The following STX8 variants were observed in gnomAD, a reference collection of about 807,000 sequenced individuals.
The protein encoded by STX8 is syntaxin-8.
A neutral mutation model predicts 37.5 loss-of-function variants in STX8; 23 were observed. That is an observed-to-expected ratio of 0.61 (90% CI 0.44 to 0.87). The LOEUF is 0.87. Among genes scored for constraint, STX8 ranks in the 40% least tolerant of loss-of-function variants. The pLI, the probability that STX8 is intolerant of heterozygous loss-of-function variation, is 0.00. For missense variants in STX8, 313 were observed against 284.7 expected (o/e 1.10, Z -0.71); for synonymous variants, 115 against 99.1 (o/e 1.16, Z -0.95).
intron 6 of STX8, among the ~76,000 whole-genome samples, chr17:9,441,700 G>T (rs1158162750): frequency 8.2e-6 from 1 of 122,652 alleles, no homozygotes; most frequent in Admixed American, 9.5e-5. Flanking sequence ...TTTTTGAGAC[G>T]GAGTCTCGCT....
intron 7 of STX8, among the ~76,000 whole-genome samples, chr17:9,336,171 C>T (rs181090938): frequency 2.3e-4 from 35 of 152,222 alleles, no homozygotes; most frequent in Admixed American, 7.2e-4. Context: ...TGAACTTTAT[C>T]GGTATGAGGA....
chr17:9,473,239 G>A (rs1237124623), intron 6 of STX8, among the ~76,000 whole-genome samples: 1 of 151,926 alleles, frequency 6.6e-6, no homozygotes, highest in Non-Finnish European at 1.5e-5. Flanking sequence ...GGCTGGTCTC[G>A]AACTCCTGAC....
intron 7 of STX8, among the ~76,000 whole-genome samples, chr17:9,360,997 G>A (rs373110480): frequency 2.6e-5 from 4 of 152,120 alleles, no homozygotes; most frequent in Non-Finnish European, 4.4e-5. Flanking sequence ...ATTGACCTTC[G>A]TGTTCAGACT....
chr17:9,329,777 C>T (rs1909903648), intron 7 of STX8, among the ~76,000 whole-genome samples: 1 of 152,136 alleles, frequency 6.6e-6, no homozygotes, highest in African/African-American at 2.4e-5. Flanking sequence ...CAGAGTTGGC[C>T]AAGGGCTGCC....
rs1431298680 is a variant in STX8, at chr17:9,292,108, G to C, written c.644-41463C>G. 7.2e-5 allele frequency among the ~76,000 whole-genome samples: 11 copies of C among 152,246 alleles called. No individual in the cohort carries two copies. In the East Asian group the frequency reaches 2.1e-3, roughly 29 times the overall value. On this transcript the variant is annotated intron_variant, in intron 7 of 7. Transcript: ENST00000306357. ...CTAAGGAAGAAGCTGCTGGAGCTGG[G>C]GCAGAGGCACTGGGAATCCAGGAGG...
intron 7 of STX8, among the ~76,000 whole-genome samples, chr17:9,328,063 CTCTT>C (rs1217001839): frequency 6.6e-6 from 1 of 150,986 alleles, no homozygotes; most frequent in Non-Finnish European, 1.5e-5. Context: ...CACCCCCTCT[CTCTT>C]TCTTTCTTTT....
intron 4 of STX8, among the ~76,000 whole-genome samples, chr17:9,532,683 C>G (rs1192120084): frequency 6.6e-6 from 1 of 152,140 alleles, no homozygotes; most frequent in African/African-American, 2.4e-5. Context: ...CCATAAACCA[C>G]TGGAATGGTC....
At chr17:9,396,118 A>G (rs552549997) in intron 6 of STX8, among the ~76,000 whole-genome samples, 3 of 152,260 alleles carry the variant, frequency 2.0e-5, no homozygotes, top group Admixed American at 2.0e-4. Context: ...AAAGAAAAGT[A>G]ACATTTTCCA....
intron 6 of STX8, among the ~76,000 whole-genome samples, chr17:9,450,255 T>C (rs1229863347): frequency 6.6e-6 from 1 of 151,396 alleles, no homozygotes; most frequent in Non-Finnish European, 1.5e-5. Flanking sequence ...TTTGTATTTT[T>C]AGTAGAGATG....
At chr17:9,271,368 CG>C (rs1735437400) in intron 7 of STX8, among the ~76,000 whole-genome samples, 1 of 152,176 alleles carries the variant, frequency 6.6e-6, no homozygotes, top group South Asian at 2.1e-4. Flanking sequence ...GGATGAGAAT[CG>C]CTTGAACCCA....
chr17:9,362,981 T>C (rs1377763643), intron 7 of STX8, among the ~76,000 whole-genome samples: 1 of 152,222 alleles, frequency 6.6e-6, no homozygotes, highest in Non-Finnish European at 1.5e-5. Context: ...TAACTCTGCA[T>C]GTATTTAACT....
rs1214621506 is a variant in STX8, at chr17:9,559,756, A to ATTTTT, written c.118-2229_118-2228insAAAAA. 4.2e-3 allele frequency among the ~76,000 whole-genome samples: 130 copies of ATTTTT among 31,100 alleles called. 4 individuals are homozygous for ATTTTT. The highest frequency in any genetic ancestry group is 5.0e-3 in the Non-Finnish European group (93 of 18,720). The allele number at this position is 31,100 out of a possible 152,430, so 20.4% of individuals were successfully genotyped here. A position where few individuals can be genotyped will look rare whatever the true frequency, so the allele number is the denominator to read the frequency against. The stretch of plus-strand genomic sequence containing the variant: ...ATTTTATATATATATATATATATAT[A>ATTTTT]TATATTTTTTTTTTTTTTTTTTTTG... On this transcript the variant is annotated intron_variant, in intron 2 of 7. Coordinates refer to ENST00000306357, the MANE Select transcript of STX8 (RefSeq NM_004853.3).
chr17:9,314,822 G>A (rs1488051367), intron 7 of STX8, among the ~76,000 whole-genome samples: 1 of 151,454 alleles, frequency 6.6e-6, no homozygotes, highest in Non-Finnish European at 1.5e-5. Flanking sequence ...CTGAGTTCCT[G>A]GCTGGGCACG....
chr17:9,436,892 G>C (rs1034113290), intron 6 of STX8, among the ~76,000 whole-genome samples: 8 of 152,230 alleles, frequency 5.3e-5, no homozygotes, highest in African/African-American at 1.4e-4. Flanking sequence ...TTTGGATACA[G>C]AGCTGAGGTC....
At chr17:9,500,915 G>C (rs550835925) in intron 5 of STX8, among the ~76,000 whole-genome samples, 3 of 152,166 alleles carry the variant, frequency 2.0e-5, no homozygotes, top group Non-Finnish European at 4.4e-5. Context: ...TGAGGCAGAA[G>C]AATGTCGTGA....
At chr17:9,514,286 T>C (rs904687743) in intron 4 of STX8, among the ~76,000 whole-genome samples, 1 of 152,210 alleles carries the variant, frequency 6.6e-6, no homozygotes, top group Admixed American at 6.5e-5. Flanking sequence ...CCCATAAATA[T>C]GTATAATTAT....
At chr17:9,562,588 A>G (rs1907287602) in intron 2 of STX8, among the ~76,000 whole-genome samples, 1 of 129,342 alleles carries the variant, frequency 7.7e-6, no homozygotes. Flanking sequence ...GGCAAAAGAC[A>G]AGACAGTTCA....
chr17:9,544,788 C>A (rs761795631), intron 4 of STX8, among the ~76,000 whole-genome samples: 1 of 152,054 alleles, frequency 6.6e-6, no homozygotes, highest in Non-Finnish European at 1.5e-5. Context: ...GTCAGGAGAT[C>A]GAGACCATCC....
At chr17:9,565,988 C>G (rs868335092) in intron 2 of STX8, among the ~76,000 whole-genome samples, 1 of 152,146 alleles carries the variant, frequency 6.6e-6, no homozygotes, top group African/African-American at 2.4e-5. Flanking sequence ...AGCTTCTGCA[C>G]AGAAAAGGAA....
Sources: gnomAD v4.1 joint callset for allele counts (sites outside exome capture counted in the v4.1 genomes callset) on GRCh38, gnomAD v4.1.1 for gene constraint, MANE v1.5 for transcripts, NCBI Gene and HGNC (gene_info 2026-07-23, HGNC 2026-07-21) for gene names.